FAM13A: variants seen among roughly 807,000 people sequenced by gnomAD.
The protein encoded by FAM13A is family with sequence similarity 13 member A.
In FAM13A, 76 loss-of-function variants were observed where a neutral mutation model predicts 129.6. The observed-to-expected ratio is 0.59, with a 90% CI of 0.49 to 0.71. The LOEUF is 0.71. FAM13A is among the 30% of genes least tolerant of loss of function. The pLI is 0.00. For missense variants in FAM13A, 1,108 were observed against 1,249.3 expected (o/e 0.89, Z 1.70); for synonymous variants, 443 against 449.9 (o/e 0.98, Z 0.20).
At chr4:88,754,054 T>C (rs553153827) in intron 14 of FAM13A, among the ~76,000 whole-genome samples, 2 of 152,354 alleles carry the variant, frequency 1.3e-5, no homozygotes, top group South Asian at 4.1e-4. Flanking sequence ...CACTGGACTG[T>C]CTTGCTAAAC....
At chr4:88,833,949 T>C (rs1734350398) in intron 7 of FAM13A, among the ~76,000 whole-genome samples, 1 of 152,016 alleles carries the variant, frequency 6.6e-6, no homozygotes, top group Non-Finnish European at 1.5e-5. Flanking sequence ...AGAGTCTCAC[T>C]GTGTCACCCA....
At chr4:88,932,543 A>C (rs1325419958) in intron 5 of FAM13A, among the ~76,000 whole-genome samples, 1 of 152,200 alleles carries the variant, frequency 6.6e-6, no homozygotes, top group Non-Finnish European at 1.5e-5. Context: ...AATAAGAAAA[A>C]AGTGAATAAA....
At chr4:88,912,333 G>C (rs1749200360) in intron 5 of FAM13A, among the ~76,000 whole-genome samples, 1 of 150,350 alleles carries the variant, frequency 6.7e-6, no homozygotes, top group Non-Finnish European at 1.5e-5. Flanking sequence ...CTAGAGCTGG[G>C]GCACCCATCT....
chr4:88,937,900 G>T (rs1754093172), intron 5 of FAM13A, 188 bp downstream of exon 5: 2 of 572,336 alleles, frequency 3.5e-6, no homozygotes, highest in Non-Finnish European at 6.1e-6. Flanking sequence ...TATTATTCTT[G>T]AATTTTAGAA....
intron 11 of FAM13A, among the ~76,000 whole-genome samples, chr4:88,770,685 T>C (rs1720502927): frequency 6.6e-6 from 1 of 152,164 alleles, no homozygotes; most frequent in African/African-American, 2.4e-5. Context: ...AGATTGATTT[T>C]TTTTTTCCTA....
intron 11 of FAM13A, among the ~76,000 whole-genome samples, chr4:88,774,503 A>G (rs1721295688): frequency 6.6e-6 from 1 of 152,186 alleles, no homozygotes; most frequent in Non-Finnish European, 1.5e-5. Context: ...CACCCAGAAA[A>G]TCATGGTCAT....
At chr4:88,873,010 G>A (rs947994305) in intron 6 of FAM13A, among the ~76,000 whole-genome samples, 29 of 152,286 alleles carry the variant, frequency 1.9e-4, no homozygotes, top group Admixed American at 1.7e-3. Flanking sequence ...CTCCTATATG[G>A]AAACTGAATA....
At chr4:88,911,707 C>T (rs76097421) in intron 5 of FAM13A, among the ~76,000 whole-genome samples, 135 of 152,342 alleles carry the variant, frequency 8.9e-4, no homozygotes, top group African/African-American at 2.9e-3. Flanking sequence ...GCTCCTTCAA[C>T]GGTCTCCTGT....
chr4:88,726,242 A>C lies in FAM13A; in HGVS notation c.*2291T>G, dbSNP rs965503288. On this transcript the variant is annotated 3_prime_UTR_variant, in exon 24 of 24. Coordinates refer to ENST00000264344, the MANE Select transcript of FAM13A (RefSeq NM_014883.4). ...ACTAACAAACATTTCTTCAAATAAG[A>C]TCTAGTGTGAAAAGGGCTTCCTCTC... 7 of 152,192 alleles carry C rather than the reference A, an allele frequency of 4.6e-5. No individual in the cohort carries two copies. Among genetic ancestry groups the C allele is most frequent in the Non-Finnish European group, 1.0e-4 (7 of 68,040 alleles). 9.4% of individuals were successfully genotyped at this position (152,192 alleles called of 1,614,324 possible).
chr4:89,027,969 C>T (rs1398333897), intron 2 of FAM13A, among the ~76,000 whole-genome samples: 12 of 151,658 alleles, frequency 7.9e-5, no homozygotes, highest in African/African-American at 2.7e-4. Context: ...CTTTGGGAGG[C>T]CAAGGCAGGC....
Position 88,728,332 on chromosome 4 carries a change from C to A in FAM13A, c.*201G>T, listed in dbSNP as rs1578382404. The A allele has an allele frequency of 1.4e-5, 9 of 624,110 alleles. No individual in the cohort carries two copies. In the East Asian group the frequency reaches 2.5e-4, roughly 17 times the overall value. 38.7% of individuals were successfully genotyped at this position (624,110 alleles called of 1,614,324 possible). On this transcript the variant is annotated 3_prime_UTR_variant, in exon 24 of 24. Transcript: ENST00000264344. Reference sequence around the variant, plus strand: ...GTCTTGACTTTCCAATTACAAAATGCCTAAGTCAGGTCACATTGTCTTCTT... The same window carrying A: ...GTCTTGACTTTCCAATTACAAAATGACTAAGTCAGGTCACATTGTCTTCTT...
intron 1 of FAM13A, among the ~76,000 whole-genome samples, chr4:89,046,216 T>C (rs1770836132): frequency 6.6e-6 from 1 of 151,666 alleles, no homozygotes; most frequent in Admixed American, 6.6e-5. Context: ...GAAAGTTTGA[T>C]GAAAAGACCA....
At chr4:89,022,125 T>C (rs1457630969) in intron 2 of FAM13A, among the ~76,000 whole-genome samples, 1 of 152,176 alleles carries the variant, frequency 6.6e-6, no homozygotes, top group Non-Finnish European at 1.5e-5. Context: ...TATCAGGATT[T>C]TTTAGAGGGG....
intron 21 of FAM13A, chr4:88,736,333 G>A (rs1738978367): frequency 6.6e-6 from 1 of 152,148 alleles, no homozygotes; most frequent in South Asian, 2.1e-4. Context: ...ATACATAAAA[G>A]AAGACTTTAT....
At chr4:88,741,866 A>G (rs1219135934) in intron 19 of FAM13A, among the ~76,000 whole-genome samples, 1 of 152,214 alleles carries the variant, frequency 6.6e-6, no homozygotes, top group Non-Finnish European at 1.5e-5. Flanking sequence ...GTACTTCAAC[A>G]AAAGTGCAAC....
At chr4:88,943,618 T>C (rs1275754679) in intron 4 of FAM13A, among the ~76,000 whole-genome samples, 3 of 152,244 alleles carry the variant, frequency 2.0e-5, no homozygotes, top group Non-Finnish European at 4.4e-5. Context: ...TCTTAAAGCA[T>C]GTGTCTTCAA....
At chr4:88,883,636 C>G (rs1285456467) in intron 6 of FAM13A, among the ~76,000 whole-genome samples, 2 of 151,858 alleles carry the variant, frequency 1.3e-5, no homozygotes, top group Non-Finnish European at 2.9e-5. Context: ...AACTCAAACC[C>G]AGCAGAAGAA....
chr4:88,914,501 T>G (rs576498058), intron 5 of FAM13A, among the ~76,000 whole-genome samples: 1 of 152,306 alleles, frequency 6.6e-6, no homozygotes, highest in African/African-American at 2.4e-5. Flanking sequence ...CTTCCAGCAT[T>G]TGCCCTTCTT....
At chr4:88,966,697 T>A (rs2609267) in intron 4 of FAM13A, among the ~76,000 whole-genome samples, 78,006 of 151,900 alleles carry the variant, frequency 0.51, 20,659 homozygotes, top group African/African-American at 0.61. Context: ...ATAGTTCTAT[T>A]CTATGTTAAG....
Sources: allele counts gnomAD v4.1 joint callset (sites outside exome capture counted in the v4.1 genomes callset), GRCh38; gene constraint gnomAD v4.1.1; transcripts MANE v1.5; gene names NCBI Gene and HGNC (gene_info 2026-07-23, HGNC 2026-07-21).